GRID2: variants seen among roughly 807,000 people sequenced by gnomAD.
The protein encoded by GRID2 is glutamate receptor ionotropic, delta-2.
In GRID2, 33 loss-of-function variants were observed where a neutral mutation model predicts 114.8. The observed-to-expected ratio is 0.29, with a 90% CI of 0.22 to 0.38. The LOEUF (loss-of-function observed/expected upper bound fraction) is 0.38, where lower values mean the gene tolerates loss of function less well. Among genes scored for constraint, GRID2 ranks in the 10% least tolerant of loss-of-function variants. The probability of loss-of-function intolerance (pLI) is 1.00; values close to 1 mark genes in which losing one functional copy is unlikely to be tolerated. For missense variants in GRID2, 1,184 were observed against 1,257.7 expected, an observed-to-expected ratio of 0.94 and a Z score of 0.89; for synonymous variants, 505 against 449.9, an observed-to-expected ratio of 1.12 and a Z score of -1.55.
At chr4:93,090,418 G>A (rs1730685154) in intron 3 of GRID2, among the ~76,000 whole-genome samples, 1 of 152,138 alleles carries the variant, frequency 6.6e-6, no homozygotes, top group South Asian at 2.1e-4. Flanking sequence ...TTCCACCATT[G>A]CCCATAGGCA....
At chr4:93,093,603 G>A (rs1340685623) in intron 3 of GRID2, among the ~76,000 whole-genome samples, 1 of 151,872 alleles carries the variant, frequency 6.6e-6, no homozygotes, top group African/African-American at 2.4e-5. Flanking sequence ...TGGTATAAAG[G>A]AACCCAGCTA....
intron 2 of GRID2, among the ~76,000 whole-genome samples, chr4:92,962,440 A>T (rs1417522927): frequency 6.6e-6 from 1 of 151,680 alleles, no homozygotes; most frequent in Non-Finnish European, 1.5e-5. Flanking sequence ...CTTTAATAGG[A>T]TAGCTAGAAT....
At chr4:93,656,860 A>G (rs1723067495) in intron 14 of GRID2, among the ~76,000 whole-genome samples, 1 of 149,484 alleles carries the variant, frequency 6.7e-6, no homozygotes, top group Non-Finnish European at 1.5e-5. Context: ...AAAAAAAACA[A>G]ATAATTCCAG....
chr4:92,399,029 C>T (rs1159967187), intron 1 of GRID2, among the ~76,000 whole-genome samples: 1 of 152,130 alleles, frequency 6.6e-6, no homozygotes, highest in African/African-American at 2.4e-5. Context: ...GCTAGAGCTA[C>T]AACTGGTTTA....
intron 2 of GRID2, among the ~76,000 whole-genome samples, chr4:92,868,104 T>C (rs537479388): frequency 6.6e-6 from 1 of 150,962 alleles, no homozygotes; most frequent in Non-Finnish European, 1.5e-5. Flanking sequence ...TTCTTTCTCT[T>C]TCTTTCTTTT....
chr4:92,311,338 C>T (rs1725699826), intron 1 of GRID2, among the ~76,000 whole-genome samples: 1 of 151,972 alleles, frequency 6.6e-6, no homozygotes, highest in South Asian at 2.1e-4. Flanking sequence ...TGCTTTTATC[C>T]TACTGTTGTT....
chr4:93,019,828 T>A (rs2149244077), intron 2 of GRID2, among the ~76,000 whole-genome samples: 1 of 152,342 alleles, frequency 6.6e-6, no homozygotes, highest in African/African-American at 2.4e-5. Context: ...ACACATTGTA[T>A]GATCGTATCA....
intron 13 of GRID2, among the ~76,000 whole-genome samples, chr4:93,574,091 A>C (rs775414179): frequency 1.3e-5 from 2 of 152,160 alleles, no homozygotes; most frequent in African/African-American, 2.4e-5. Flanking sequence ...CCATTTCAAC[A>C]TATGTTCAGA....
intron 1 of GRID2, among the ~76,000 whole-genome samples, chr4:92,449,735 A>G (rs567452281): frequency 1.2e-4 from 17 of 143,124 alleles, no homozygotes; most frequent in African/African-American, 3.3e-4. Flanking sequence ...ATTCATTTAT[A>G]TTTCAGAACA....
intron 11 of GRID2, among the ~76,000 whole-genome samples, chr4:93,468,875 G>T (rs1272770748): frequency 1.3e-5 from 2 of 151,996 alleles, no homozygotes; most frequent in Admixed American, 6.6e-5. Context: ...AAAAAATGTA[G>T]ATTTGTATCT....
chr4:92,706,522 G>A (rs1734965354), intron 2 of GRID2, among the ~76,000 whole-genome samples: 1 of 150,772 alleles, frequency 6.6e-6, no homozygotes, highest in Non-Finnish European at 1.5e-5. Context: ...CACTCAAATA[G>A]TGGTTATCCA....
At chr4:93,006,595 G>GAA (rs35210074) in intron 2 of GRID2, among the ~76,000 whole-genome samples, 1 of 141,556 alleles carries the variant, frequency 7.1e-6, no homozygotes, top group African/African-American at 2.6e-5. Context: ...AGGCCCTACT[G>GAA]AAAAAAAAAA....
chr4:93,468,247 T>C lies in GRID2; in HGVS notation c.1858+12273T>C, dbSNP rs533771397. On this transcript the variant is annotated intron_variant, in intron 11 of 15. Transcript: ENST00000282020. ...TAAAGATCATTCAACAGTTAGTGTA[T>C]GTAATGTGCCAGGCACTATTCAAGC... 6.6e-5 allele frequency among the ~76,000 whole-genome samples: 10 copies of C among 152,296 alleles called. No individual in the cohort carries two copies. The East Asian group carries it at 1.9e-3, about 29-fold the overall frequency.
chr4:93,032,103 A>C (rs1019592214), intron 2 of GRID2, among the ~76,000 whole-genome samples: 2 of 152,168 alleles, frequency 1.3e-5, no homozygotes, highest in African/African-American at 4.8e-5. Flanking sequence ...CCTGGGGAAA[A>C]CTATACTCAA....
At chr4:92,551,184 T>C (rs1476900839) in intron 1 of GRID2, among the ~76,000 whole-genome samples, 7 of 152,074 alleles carry the variant, frequency 4.6e-5, no homozygotes, top group Non-Finnish European at 8.8e-5. Flanking sequence ...ATTAGCTGTG[T>C]CATTCCAACA....
intron 4 of GRID2, among the ~76,000 whole-genome samples, chr4:93,196,195 A>C (rs945340202): frequency 3.3e-5 from 5 of 152,196 alleles, no homozygotes; most frequent in East Asian, 1.9e-4. Context: ...TTTTTACAGT[A>C]GGCCACAAAG....
At chr4:93,598,391 CCTTTCTCACTCA>C (rs1251439136) in intron 13 of GRID2, among the ~76,000 whole-genome samples, 1 of 152,090 alleles carries the variant, frequency 6.6e-6, no homozygotes, top group Non-Finnish European at 1.5e-5. Context: ...TCTCATGCTT[CCTTTCTCACTCA>C]CTCTCTTTTA....
chr4:92,622,754 A>G (rs539087855), intron 2 of GRID2, among the ~76,000 whole-genome samples: 43 of 151,888 alleles, frequency 2.8e-4, no homozygotes, highest in African/African-American at 9.9e-4. Flanking sequence ...CATTAGCTTC[A>G]TTCCTGCCTC....
rs553411510 is a variant in GRID2, at chr4:92,935,540, T to C, written c.245-149455T>C. 1.4e-5 allele frequency among the ~76,000 whole-genome samples: 2 copies of C among 146,946 alleles called. 1 individual carries two copies. Among genetic ancestry groups the C allele is most frequent in the South Asian group, 4.6e-4 (2 of 4,342 alleles). ...CCCAGCCATCCCATTACTGGGTATA[T>C]ACCCAAAGGACTATAAATCATGCTG... is the stretch of plus-strand genomic sequence containing the variant. On this transcript the variant is annotated intron_variant, in intron 2 of 15. Transcript: ENST00000282020.
Sources: allele counts gnomAD v4.1 joint callset (sites outside exome capture counted in the v4.1 genomes callset), GRCh38; gene constraint gnomAD v4.1.1; transcripts MANE v1.5; gene names NCBI Gene and HGNC (gene_info 2026-07-23, HGNC 2026-07-21).